Variants in ERBB4 observed in about 807,000 individuals in gnomAD.
ERBB4 encodes the protein receptor tyrosine-protein kinase erbB-4.
A neutral mutation model predicts 158.0 loss-of-function variants in ERBB4; 42 were observed. That is an observed-to-expected ratio of 0.27 (90% confidence interval 0.21 to 0.34). ERBB4 has a LOEUF of 0.34. Among genes scored for constraint, ERBB4 ranks in the 10% least tolerant of loss-of-function variants. ERBB4 has a pLI of 1.00. For synonymous variants in ERBB4, 583 were observed against 558.7 expected, an observed-to-expected ratio of 1.04 and a Z score of -0.61; for missense variants, 1,333 against 1,624.1, an observed-to-expected ratio of 0.82 and a Z score of 3.08.
At chr2:212,418,645 C>T (rs960607913) in intron 1 of ERBB4, among the ~76,000 whole-genome samples, 3 of 151,554 alleles carry the variant, frequency 2.0e-5, no homozygotes, top group East Asian at 1.9e-4. Flanking sequence ...AAATTAAATA[C>T]ACTTTTTGAA....
intron 25 of ERBB4, among the ~76,000 whole-genome samples, chr2:211,395,077 A>G (rs2062881390): frequency 6.6e-6 from 1 of 152,122 alleles, no homozygotes; most frequent in African/African-American, 2.4e-5. Context: ...AATATTGTAA[A>G]ATGTGATTAA....
chr2:211,589,394 A>C (rs1170241892), intron 19 of ERBB4, among the ~76,000 whole-genome samples: 1 of 152,208 alleles, frequency 6.6e-6, no homozygotes, highest in Non-Finnish European at 1.5e-5. Context: ...CAGTATGTCT[A>C]AAAGCATAAA....
intron 19 of ERBB4, among the ~76,000 whole-genome samples, chr2:211,601,243 G>T (rs1262018799): frequency 6.7e-6 from 1 of 149,294 alleles, no homozygotes; most frequent in Non-Finnish European, 1.5e-5. Context: ...AAAATTCTCA[G>T]AAAAAGAAAA....
intron 2 of ERBB4, among the ~76,000 whole-genome samples, chr2:212,024,650 A>C (rs557110263): frequency 6.6e-6 from 1 of 152,000 alleles, no homozygotes; most frequent in South Asian, 2.1e-4. Context: ...AACAACACCT[A>C]TCACTTCCTA....
intron 2 of ERBB4, among the ~76,000 whole-genome samples, chr2:212,084,529 C>T (rs2078543508): frequency 1.3e-5 from 2 of 151,886 alleles, no homozygotes; most frequent in Non-Finnish European, 2.9e-5. Flanking sequence ...ACTTTTACTG[C>T]AGAAATATTT....
intron 1 of ERBB4, among the ~76,000 whole-genome samples, chr2:212,380,615 C>T (rs1024389065): frequency 8.0e-5 from 12 of 150,748 alleles, no homozygotes; most frequent in Admixed American, 5.3e-4. Flanking sequence ...TTAAGTTATA[C>T]TTAAATATAT....
chr2:212,502,293 A>C (rs1448646625), intron 1 of ERBB4, among the ~76,000 whole-genome samples: 2 of 152,188 alleles, frequency 1.3e-5, no homozygotes, highest in Non-Finnish European at 2.9e-5. Context: ...AAAAAAGTGT[A>C]TTACTTAACA....
chr2:211,891,806 G>A lies in ERBB4; in HGVS notation c.421+55624C>T, dbSNP rs1375963641. 2.9e-5 allele frequency among the ~76,000 whole-genome samples: 4 copies of A among 137,186 alleles called. 1 individual carries two copies. The highest frequency in any genetic ancestry group is 5.9e-5 in the African/African-American group (2 of 34,110). The allele number at this position is 137,186 out of a possible 152,430, so 90.0% of individuals were successfully genotyped here. On this transcript the variant is annotated intron_variant, in intron 3 of 27. Coordinates refer to ENST00000342788, the MANE Select transcript of ERBB4 (RefSeq NM_005235.3). ...CTACACAAATAAACTAGAAAATCTAGAAGAAATGGATAAATTCCTCAACAC... is the reference window on the plus strand; with the variant it reads ...CTACACAAATAAACTAGAAAATCTAAAAGAAATGGATAAATTCCTCAACAC...
chr2:211,834,043 A>G (rs2077283463), intron 3 of ERBB4, among the ~76,000 whole-genome samples: 1 of 152,114 alleles, frequency 6.6e-6, no homozygotes, highest in African/African-American at 2.4e-5. Context: ...TTTTATGTCT[A>G]TGAAACTGAC....
chr2:211,670,704 A>C (rs1011360408), intron 14 of ERBB4, among the ~76,000 whole-genome samples: 1 of 152,192 alleles, frequency 6.6e-6, no homozygotes, highest in Non-Finnish European at 1.5e-5. Context: ...TCCTCATTGG[A>C]AAAATGGGAG....
At chr2:212,200,561 G>A (rs181556783) in intron 1 of ERBB4, among the ~76,000 whole-genome samples, 1 of 152,164 alleles carries the variant, frequency 6.6e-6, no homozygotes, top group African/African-American at 2.4e-5. Flanking sequence ...GGTAATAATT[G>A]TAAAAAGCTT....
At chr2:212,332,049 C>G (rs1013478702) in intron 1 of ERBB4, among the ~76,000 whole-genome samples, 2 of 151,904 alleles carry the variant, frequency 1.3e-5, no homozygotes, top group Non-Finnish European at 2.9e-5. Context: ...AGTTTGTCTC[C>G]TCAGTAGTGA....
chr2:211,897,012 A>C (rs1559624738), intron 3 of ERBB4, among the ~76,000 whole-genome samples: 1 of 151,162 alleles, frequency 6.6e-6, no homozygotes, highest in Non-Finnish European at 1.5e-5. Flanking sequence ...TTCATCAGCA[A>C]TTTATCATTA....
intron 1 of ERBB4, among the ~76,000 whole-genome samples, chr2:212,238,136 T>C (rs2083947469): frequency 6.6e-6 from 1 of 152,178 alleles, no homozygotes; most frequent in South Asian, 2.1e-4. Flanking sequence ...GAAAAATAAT[T>C]CCTGCAGTTA....
At chr2:211,605,132 A>T (rs2068935959) in intron 19 of ERBB4, among the ~76,000 whole-genome samples, 1 of 152,146 alleles carries the variant, frequency 6.6e-6, no homozygotes, top group African/African-American at 2.4e-5. Flanking sequence ...GACTACAGAA[A>T]TTGTTTCTCT....
intron 21 of ERBB4, among the ~76,000 whole-genome samples, 172 bp downstream of exon 21, chr2:211,430,773 T>TATATGTATATATATATC (rs1559160559): frequency 1.3e-5 from 2 of 151,340 alleles, no homozygotes; most frequent in African/African-American, 4.9e-5. Context: ...ATATGATATA[T>TATATGTATATATATATC]ATATACACAC....
At chr2:212,318,939 C>A (rs2087426537) in intron 1 of ERBB4, among the ~76,000 whole-genome samples, 1 of 151,530 alleles carries the variant, frequency 6.6e-6, no homozygotes, top group Non-Finnish European at 1.5e-5. Flanking sequence ...CCAGTGGGGA[C>A]CAATCCTCAC....
chr2:212,075,644 T>C (rs574667603), intron 2 of ERBB4, among the ~76,000 whole-genome samples: 1 of 152,050 alleles, frequency 6.6e-6, no homozygotes, highest in African/African-American at 2.4e-5. Context: ...ATATGGTTTA[T>C]AAATTTCTTG....
intron 2 of ERBB4, among the ~76,000 whole-genome samples, chr2:212,061,159 T>A (rs1350634769): frequency 6.6e-6 from 1 of 151,590 alleles, no homozygotes; most frequent in East Asian, 1.9e-4. Context: ...CAAGTAAATA[T>A]TAAAGAGGAT....
Sources: allele counts gnomAD v4.1 joint callset (sites outside exome capture counted in the v4.1 genomes callset), GRCh38; gene constraint gnomAD v4.1.1; transcripts MANE v1.5; gene names NCBI Gene and HGNC (gene_info 2026-07-23, HGNC 2026-07-21).